HHAT: variants seen among roughly 807,000 people sequenced by gnomAD.
HHAT encodes protein-cysteine N-palmitoyltransferase HHAT.
A neutral mutation model predicts 70.8 loss-of-function variants in HHAT; 47 were observed. The observed-to-expected ratio is 0.66, with a 90% CI of 0.53 to 0.85. The LOEUF is 0.85. Ranked by LOEUF, HHAT falls within the 40% of genes least tolerant of loss-of-function variation. The pLI, the probability that HHAT is intolerant of heterozygous loss-of-function variation, is 0.00. For missense variants in HHAT, 609 were observed against 604.8 expected (o/e 1.01, Z -0.07); for synonymous variants, 228 against 247.6 (o/e 0.92, Z 0.74).
At chr1:210,403,408 G>A (rs540704313) in intron 5 of HHAT, among the ~76,000 whole-genome samples, 4 of 152,320 alleles carry the variant, frequency 2.6e-5, no homozygotes, top group South Asian at 2.1e-4. Flanking sequence ...TATAGATGTT[G>A]GAGGTGAATA....
intron 4 of HHAT, among the ~76,000 whole-genome samples, chr1:210,389,946 A>G (rs1352516942): frequency 6.6e-6 from 1 of 152,228 alleles, no homozygotes; most frequent in Non-Finnish European, 1.5e-5. Flanking sequence ...TGTCCTCTGT[A>G]AAATAGGATC....
chr1:210,441,706 A>C (rs1258705540), intron 7 of HHAT, among the ~76,000 whole-genome samples: 1 of 152,132 alleles, frequency 6.6e-6, no homozygotes, highest in Non-Finnish European at 1.5e-5. Flanking sequence ...GTATTTGTTC[A>C]TTGACATCTT....
chr1:210,400,092 G>A (rs6663590), intron 4 of HHAT, among the ~76,000 whole-genome samples: 98,142 of 151,994 alleles, frequency 0.65, 32,383 homozygotes, highest in African/African-American at 0.78. Context: ...TGCTGTATGT[G>A]GGATGTGGTC....
intron 11 of HHAT, among the ~76,000 whole-genome samples, chr1:210,652,345 C>T (rs931361819): frequency 1.3e-5 from 2 of 152,176 alleles, no homozygotes; most frequent in Admixed American, 1.3e-4. Context: ...TCACTATGAA[C>T]CCCTTGCAGA....
chr1:210,547,360 T>C (rs2095492727), intron 9 of HHAT, among the ~76,000 whole-genome samples: 1 of 151,244 alleles, frequency 6.6e-6, no homozygotes, highest in East Asian at 2.0e-4. Context: ...CAAAAACTTT[T>C]TGATTCATAA....
intron 8 of HHAT, among the ~76,000 whole-genome samples, chr1:210,500,235 A>T (rs1009761688): frequency 2.6e-5 from 4 of 152,252 alleles, no homozygotes; most frequent in African/African-American, 9.6e-5. Flanking sequence ...GTCATGAATA[A>T]TCACTTGTTG....
chr1:210,425,905 A>G (rs1348470219), intron 7 of HHAT, among the ~76,000 whole-genome samples: 2 of 152,132 alleles, frequency 1.3e-5, no homozygotes, highest in Non-Finnish European at 2.9e-5. Flanking sequence ...TGATAGGAAT[A>G]GCATTGAACC....
intron 10 of HHAT, among the ~76,000 whole-genome samples, chr1:210,591,678 A>G (rs574872255): frequency 4.6e-5 from 7 of 152,240 alleles, no homozygotes; most frequent in East Asian, 3.9e-4. Context: ...ACAGTGTACA[A>G]TGATGCCCTT....
At chr1:210,398,417 A>G (rs944571957) in intron 4 of HHAT, among the ~76,000 whole-genome samples, 20 of 152,178 alleles carry the variant, frequency 1.3e-4, no homozygotes, top group African/African-American at 4.1e-4. Flanking sequence ...ACTGTTTGGC[A>G]GTAGGGAAAC....
chr1:210,353,452 TTTAAA>T (rs67522597), intron 2 of HHAT, among the ~76,000 whole-genome samples: 32,504 of 118,950 alleles, frequency 0.27, 4,202 homozygotes, highest in South Asian at 0.36. Context: ...TTTTTTTTTT[TTTAAA>T]AAAAAGCACC....
At chr1:210,412,220 T>A (rs766146499) in intron 6 of HHAT, among the ~76,000 whole-genome samples, 9 of 151,946 alleles carry the variant, frequency 5.9e-5, no homozygotes, top group African/African-American at 2.2e-4. Context: ...GATTTCAACA[T>A]AGGAATTTTT....
At chr1:210,517,426 C>T (rs1348770239) in intron 9 of HHAT, among the ~76,000 whole-genome samples, 3 of 152,134 alleles carry the variant, frequency 2.0e-5, no homozygotes, top group African/African-American at 7.2e-5. Context: ...CACTTTTCAT[C>T]TTACTCAGAA....
intron 11 of HHAT, among the ~76,000 whole-genome samples, chr1:210,656,120 C>A (rs761062673): frequency 1.3e-5 from 2 of 152,192 alleles, no homozygotes; most frequent in Non-Finnish European, 2.9e-5. Flanking sequence ...CCTGTCACTT[C>A]CATCCATTGG....
chr1:210,598,982 T>C (rs1663633832), intron 10 of HHAT, among the ~76,000 whole-genome samples: 1 of 152,160 alleles, frequency 6.6e-6, no homozygotes, highest in South Asian at 2.1e-4. Flanking sequence ...AAGAATTCTA[T>C]TTCTTGGTGT....
chr1:210,329,507 A>G (rs932459579), intron 1 of HHAT: 2 of 999,578 alleles, frequency 2.0e-6, no homozygotes, highest in Admixed American at 6.0e-5. Flanking sequence ...TTTGCGTTCT[A>G]TCTTCAGGAC....
chr1:210,583,000 C>T (rs190990597), intron 9 of HHAT, among the ~76,000 whole-genome samples: 3 of 152,230 alleles, frequency 2.0e-5, no homozygotes, highest in Admixed American at 6.5e-5. Flanking sequence ...TTTGGTTAAA[C>T]GAGAAATATA....
Position 210,328,914 on chromosome 1 carries a change from A to G in HHAT, c.-234A>G. 2 of 868,770 alleles carry G rather than the reference A, an allele frequency of 2.3e-6. No individual in the cohort carries two copies. Among genetic ancestry groups the G allele is most frequent in the Non-Finnish European group, 3.1e-6 (2 of 654,194 alleles). The allele number at this position is 868,770 out of a possible 1,614,324, so 53.8% of individuals were successfully genotyped here. A position where few individuals can be genotyped will look rare whatever the true frequency, so the allele number is the denominator to read the frequency against. ...GCGGAGGGCGCGCGGGCACGGCGGC[A>G]GGGGCGTGCTCGGAGGACGCGCGCT... On this transcript the variant is annotated 5_prime_UTR_variant, in exon 1 of 12. Transcript: ENST00000261458.
chr1:210,416,458 C>T (rs1291696213), intron 6 of HHAT, among the ~76,000 whole-genome samples: 3 of 152,200 alleles, frequency 2.0e-5, no homozygotes, highest in Non-Finnish European at 4.4e-5. Flanking sequence ...ACTGTTCTCT[C>T]TAGTTTTTCT....
intron 9 of HHAT, among the ~76,000 whole-genome samples, chr1:210,548,905 G>A (rs1335162080): frequency 1.3e-5 from 2 of 152,204 alleles, no homozygotes; most frequent in Non-Finnish European, 2.9e-5. Flanking sequence ...ATGCCTAATA[G>A]ACCCTGCTCA....
Sources: gnomAD v4.1 joint callset for allele counts (sites outside exome capture counted in the v4.1 genomes callset) on GRCh38, gnomAD v4.1.1 for gene constraint, MANE v1.5 for transcripts, NCBI Gene and HGNC (gene_info 2026-07-23, HGNC 2026-07-21) for gene names.